Variants in USP47 observed in about 807,000 individuals in gnomAD.
The protein encoded by USP47 is ubiquitin carboxyl-terminal hydrolase 47.
Under a neutral mutation model 165.1 loss-of-function variants are expected in USP47, and 35 were observed. The observed-to-expected ratio is 0.21, with a 90% confidence interval of 0.16 to 0.28. The LOEUF is 0.28. Among genes scored for constraint, USP47 ranks in the 10% least tolerant of loss-of-function variants. The pLI is 1.00. For synonymous variants in USP47, 531 were observed against 544.5 expected (o/e 0.98, Z 0.35); for missense variants, 1,277 against 1,607.4 (o/e 0.79, Z 3.52).
rs766199826 is a variant in USP47 at position 11,897,631 on chromosome 11, C to T, written c.531C>T (p.Cys177=). The T allele has an allele frequency of 2.9e-5, 47 of 1,611,256 alleles. No individual in the cohort carries two copies. Among genetic ancestry groups the T allele is most frequent in the Non-Finnish European group, 3.5e-5 (41 of 1,178,424 alleles). The change falls in exon 5 of 28, where the codon TGC becomes TGT. Residue 177 remains cysteine (C), a synonymous_variant. Coordinates refer to ENST00000527733, the MANE Select transcript of USP47 (RefSeq NM_001282659.2). Reference sequence around the variant, plus strand: ...GACTAGTAAACCAAGCAATGACTTGCTATTTGAATAGCCTTTTGCAAACAC... The same window carrying T: ...GACTAGTAAACCAAGCAATGACTTGTTATTTGAATAGCCTTTTGCAAACAC... The part of the protein sequence containing the change: ...YVGLVNQAMT[C]YLNSLLQTLF...
At chr11:11,890,438 A>G (rs1222309590) in intron 3 of USP47, among the ~76,000 whole-genome samples, 1 of 152,242 alleles carries the variant, frequency 6.6e-6, no homozygotes, top group Non-Finnish European at 1.5e-5. Flanking sequence ...CAAACATGAA[A>G]AAAAGCTTAA....
At chr11:11,868,919 TA>T (rs759684364) in intron 1 of USP47, among the ~76,000 whole-genome samples, 2 of 152,156 alleles carry the variant, frequency 1.3e-5, no homozygotes, top group Non-Finnish European at 2.9e-5. Context: ...CATCTGTTTA[TA>T]CGCTTCATTG....
chr11:11,891,531 T>G (rs1224322395), intron 3 of USP47, among the ~76,000 whole-genome samples: 1 of 152,218 alleles, frequency 6.6e-6, no homozygotes, highest in Non-Finnish European at 1.5e-5. Context: ...GGGATTCATG[T>G]TTTTAAATGC....
chr11:11,849,737 T>C (rs1590219397), intron 1 of USP47, among the ~76,000 whole-genome samples: 3 of 152,358 alleles, frequency 2.0e-5, no homozygotes, highest in East Asian at 1.9e-4. Context: ...TTGGAGCCCC[T>C]GTTTCTGTAT....
rs767056105 is a variant in USP47, at chr11:11,949,899, T to G, written c.3359T>G (p.Phe1120Cys). 8.1e-6 allele frequency: 13 copies of G among 1,610,162 alleles called. No homozygotes were observed. The highest frequency in any genetic ancestry group is 1.1e-5 in the Non-Finnish European group (13 of 1,177,704). The change falls in exon 23 of 28, where the codon TTT becomes TGT. Residue 1120 changes from phenylalanine (F) to cysteine (C), a missense_variant. Coordinates refer to ENST00000527733, the MANE Select transcript of USP47 (RefSeq NM_001282659.2). ...TGTTTATATTTCTAGCCATGCAAGT[T>G]TCTGCTAGATGCTGTGTTTGCTAAA... ...LLVNEQEPCK[F>C]LLDAVFAKGM...
At chr11:11,900,674 C>T (rs1174218915) in intron 5 of USP47, among the ~76,000 whole-genome samples, 3 of 152,182 alleles carry the variant, frequency 2.0e-5, no homozygotes, top group Non-Finnish European at 4.4e-5. Context: ...GGTTACATTT[C>T]AGATTGAAAA....
intron 8 of USP47, among the ~76,000 whole-genome samples, chr11:11,911,276 G>A (rs950017058): frequency 6.6e-5 from 10 of 152,138 alleles, no homozygotes; most frequent in African/African-American, 2.4e-4. Flanking sequence ...ATACTGGAAG[G>A]AGAGCAAAGG....
Position 11,942,614 on chromosome 11 carries a change from C to G in USP47, c.2593C>G (p.Leu865Val). Residue 865 changes from leucine to valine, a missense_variant, in exon 20 of 28, where the codon CTG (leucine) becomes GTG (valine). By Grantham distance (32) the Leu-to-Val change is conservative. Transcript: ENST00000527733. Reference sequence around the variant, plus strand: ...CACTGAAAAACTCAAAAGCTTGTCACTGCAGCAACAGCAGGATGGAGATAA... The same window carrying G: ...CACTGAAAAACTCAAAAGCTTGTCAGTGCAGCAACAGCAGGATGGAGATAA... ...ESTEKLKSLS[L>V]QQQQDGDNGD... is the part of the protein sequence containing the mutation. The G allele has an allele frequency of 6.2e-7, 1 of 1,613,504 alleles. No individual in the cohort carries two copies. The highest frequency in any genetic ancestry group is 1.1e-5 in the South Asian group (1 of 91,060).
chr11:11,887,148 G>C (rs1301648259), intron 3 of USP47, among the ~76,000 whole-genome samples: 3 of 152,044 alleles, frequency 2.0e-5, no homozygotes, highest in African/African-American at 7.2e-5. Flanking sequence ...ACACAGACCA[G>C]TGACACTATC....
chr11:11,880,239 G>C lies in USP47; in HGVS notation c.102G>C (p.Lys34Asn). The change falls in exon 2 of 28, where the codon AAG (lysine) becomes AAC (asparagine). Residue 34 changes from lysine to asparagine, a missense_variant. Around this residue, in one of 4 missense-constraint regions of USP47, gnomAD observed 181 missense variants for 194.7 expected, o/e 0.93. Transcript: ENST00000527733. ...TTATACAAGATACTACTAATTCAAA[G>C]ACAGTGAATGAACGGATCACTTTAA... ...LCIIQDTTNSKTVNERITLNL... is the reference protein window; with the variant it reads ...LCIIQDTTNSNTVNERITLNL... 6.8e-7 allele frequency: 1 copy of C among 1,464,412 alleles called. No homozygotes were observed. The highest frequency in any genetic ancestry group is 8.9e-7 in the Non-Finnish European group (1 of 1,119,566). 90.7% of individuals were successfully genotyped at this position (1,464,412 alleles called of 1,614,324 possible). A position where few individuals can be genotyped will look rare whatever the true frequency, so the allele number is the denominator to read the frequency against.
rs1449020716 is a variant in USP47, at chr11:11,936,436, A to G, written c.2003A>G (p.Lys668Arg). 2.5e-6 allele frequency: 4 copies of G among 1,610,174 alleles called. No homozygotes were observed. Among genetic ancestry groups the G allele is most frequent in the Non-Finnish European group, 3.4e-6 (4 of 1,177,322 alleles). The change falls in exon 17 of 28, where the codon AAG (lysine) becomes AGG (arginine). Residue 668 changes from lysine (K) to arginine (R), a missense_variant. This residue lies in a region of USP47 where 909 missense variants were observed against 1,068.1 expected (regional missense o/e 0.85). Coordinates refer to ENST00000527733, the MANE Select transcript of USP47 (RefSeq NM_001282659.2). Reference protein sequence around the residue: ...TPMGLLLGGVKSTYMFDLLLE... With the variant: ...TPMGLLLGGVRSTYMFDLLLE... ...ATGGGGCTTCTACTAGGTGGCGTCAAGTCAACATATATGTTTGATCTGCTG... is the reference window on the plus strand; with the variant it reads ...ATGGGGCTTCTACTAGGTGGCGTCAGGTCAACATATATGTTTGATCTGCTG...
intron 21 of USP47, 116 bp from the exon 22 acceptor site, chr11:11,948,362 G>C: frequency 1.1e-6 from 1 of 916,188 alleles, no homozygotes. Flanking sequence ...TAAAAGATAT[G>C]CCTGTTCTCA....
At chr11:11,885,697 C>A (rs1454168698) in intron 3 of USP47, among the ~76,000 whole-genome samples, 1 of 152,088 alleles carries the variant, frequency 6.6e-6, no homozygotes, top group Non-Finnish European at 1.5e-5. Context: ...ACATAAATAC[C>A]CCTAGGAAGG....
At chr11:11,904,452 A>T (rs1376642325) in intron 7 of USP47, among the ~76,000 whole-genome samples, 1 of 152,190 alleles carries the variant, frequency 6.6e-6, no homozygotes, top group Non-Finnish European at 1.5e-5. Context: ...GAGATTATGA[A>T]AAAATTTTTA....
chr11:11,899,690 G>T (rs988214028), intron 5 of USP47, among the ~76,000 whole-genome samples: 1 of 152,116 alleles, frequency 6.6e-6, no homozygotes. Flanking sequence ...GAAGCCAGAA[G>T]TGTAAAGGTC....
intron 12 of USP47, 48 bp downstream of exon 12, chr11:11,929,613 G>T (rs1854504025): frequency 1.3e-6 from 2 of 1,595,760 alleles, no homozygotes; most frequent in African/African-American, 2.7e-5. Flanking sequence ...TGGGAGTAAG[G>T]ATGTTTCTAA....
chr11:11,893,351 A>C (rs1851661680), intron 4 of USP47, among the ~76,000 whole-genome samples: 1 of 152,222 alleles, frequency 6.6e-6, no homozygotes, highest in Admixed American at 6.5e-5. Flanking sequence ...TTAGAACTTC[A>C]AAACAGGTGA....
intron 1 of USP47, among the ~76,000 whole-genome samples, chr11:11,868,762 C>T (rs939097063): frequency 1.3e-5 from 2 of 151,384 alleles, no homozygotes; most frequent in African/African-American, 4.8e-5. Flanking sequence ...ATGAGAGATT[C>T]AATTTCTCTA....
intron 8 of USP47, among the ~76,000 whole-genome samples, chr11:11,913,415 AAAG>A (rs1853165838): frequency 6.6e-6 from 1 of 151,910 alleles, no homozygotes; most frequent in Non-Finnish European, 1.5e-5. Flanking sequence ...AATTTTGCAA[AAAG>A]AAAAAAGATG....
Sources: gnomAD v4.1 joint callset for allele counts (sites outside exome capture counted in the v4.1 genomes callset) on GRCh38, gnomAD v4.1.1 for gene constraint, gnomAD v4.1.1 regional missense constraint, MANE v1.5 for transcripts, NCBI Gene and HGNC (gene_info 2026-07-23, HGNC 2026-07-21) for gene names.